LRRK2: variants seen among roughly 807,000 people sequenced by gnomAD.
LRRK2 encodes the protein leucine rich repeat kinase 2, also known as leucine-rich repeat serine/threonine-protein kinase 2.
Under a neutral mutation model 302.6 loss-of-function variants are expected in LRRK2, and 203 were observed. The observed-to-expected ratio is 0.67, with a 90% CI of 0.60 to 0.75. LRRK2 has a LOEUF of 0.75. Ranked by LOEUF, LRRK2 falls within the 30% of genes least tolerant of loss-of-function variation. The pLI is 0.00. For synonymous variants in LRRK2, 1,066 were observed against 1,031.9 expected (o/e 1.03, Z -0.63); for missense variants, 2,830 against 2,951.0 (o/e 0.96, Z 0.95).
intron 50 of LRRK2, chr12:40,367,342 T>C (rs1946909608): frequency 2.2e-6 from 1 of 449,312 alleles, no homozygotes; most frequent in Admixed American, 4.0e-5. Context: ...TTACAACTTA[T>C]CTATATCTAC....
Position 40,237,991 on chromosome 12 carries a change from G to A in LRRK2, c.459G>A (p.Leu153=). 1 of 1,612,358 alleles carries A rather than the reference G, an allele frequency of 6.2e-7. No individual in the cohort carries two copies. Among genetic ancestry groups the A allele is most frequent in the Non-Finnish European group, 8.5e-7 (1 of 1,178,860 alleles). The change falls in exon 5 of 51, where the codon TTG becomes TTA. Residue 153 remains leucine, a synonymous_variant. Coordinates refer to ENST00000298910, the MANE Select transcript of LRRK2 (RefSeq NM_198578.4). ...TAGGTAAAATCACCTTGCTGATATT[G>A]GATGAAGAAAGTGATATTTTCATGT... The part of the protein sequence containing the change: ...LTSGKITLLI[L]DEESDIFMLI...
In LRRK2 at chr12:40,225,045, C is replaced by T. The variant is rs201321281; in HGVS notation, c.-87C>T. On this transcript the variant is annotated 5_prime_UTR_variant, in exon 1 of 51. Coordinates refer to ENST00000298910, the MANE Select transcript of LRRK2 (RefSeq NM_198578.4). ...GCGGGCGGTGAGCTGAGCTCGCCCC[C>T]GGGGAGCTGTGGCCGGCGCCCCTGC... The T allele has an allele frequency of 1.3e-6, 2 of 1,559,694 alleles. No individual in the cohort carries two copies. The highest frequency in any genetic ancestry group is 1.8e-6 in the Non-Finnish European group (2 of 1,141,642).
intron 13 of LRRK2, among the ~76,000 whole-genome samples, chr12:40,261,711 A>G (rs1397036771): frequency 6.6e-6 from 1 of 152,112 alleles, no homozygotes; most frequent in East Asian, 1.9e-4. Flanking sequence ...TCTGGTTTGA[A>G]CATGTTAAGT....
intron 39 of LRRK2, among the ~76,000 whole-genome samples, chr12:40,330,734 T>A (rs1376686377): frequency 6.6e-6 from 1 of 152,182 alleles, no homozygotes; most frequent in African/African-American, 2.4e-5. Context: ...TACTTATGAT[T>A]CATTATTGCT....
chr12:40,326,138 C>T (rs114310195), intron 38 of LRRK2, among the ~76,000 whole-genome samples: 116 of 152,220 alleles, frequency 7.6e-4, no homozygotes, highest in African/African-American at 2.7e-3. Flanking sequence ...ATTAATGCAG[C>T]GGCGATTCTC....
Position 40,346,797 on chromosome 12 carries a change from C to CA in LRRK2, c.6156dup (p.Gln2053ThrfsTer3). ...TGCCAGAGGAAATGTCATTTATAAC[C>CA]AACAGGCTGATGTTTATTCATTTGG... On this transcript the variant is annotated frameshift_variant, in exon 42 of 51. Coordinates refer to ENST00000298910, the MANE Select transcript of LRRK2 (RefSeq NM_198578.4). LOFTEE classifies it high-confidence loss of function. 6.2e-7 allele frequency: 1 copy of CA among 1,613,918 alleles called. No homozygotes were observed. Among genetic ancestry groups the CA allele is most frequent in the Non-Finnish European group, 8.5e-7 (1 of 1,179,902 alleles).
chr12:40,278,273 A>G lies in LRRK2; in HGVS notation c.2241+12A>G. The stretch of plus-strand genomic sequence containing the variant: ...CTTTAATTTGTCAGGTAAATATTCA[A>G]GGCCTCACTTTTGTCTTTGCTCAGT... On this transcript the variant is annotated intron_variant, in intron 18 of 50. Coordinates refer to ENST00000298910, the MANE Select transcript of LRRK2 (RefSeq NM_198578.4). The G allele has an allele frequency of 6.2e-7, 1 of 1,614,062 alleles. No individual in the cohort carries two copies. The highest frequency in any genetic ancestry group is 8.5e-7 in the Non-Finnish European group (1 of 1,179,956).
chr12:40,335,300 T>C, intron 40 of LRRK2, 143 bp downstream of exon 40: 1 of 952,434 alleles, frequency 1.0e-6, no homozygotes, highest in Admixed American at 2.0e-5. Flanking sequence ...ATTTCCCTGA[T>C]CAAATTTTGT....
chr12:40,343,327 T>G (rs1185545971), intron 41 of LRRK2, among the ~76,000 whole-genome samples: 2 of 152,230 alleles, frequency 1.3e-5, no homozygotes, highest in East Asian at 1.9e-4. Flanking sequence ...CTATGGCAAT[T>G]GCACTTTTGA....
chr12:40,259,056 C>T (rs550013482), intron 12 of LRRK2, among the ~76,000 whole-genome samples: 4 of 152,200 alleles, frequency 2.6e-5, no homozygotes, highest in East Asian at 1.9e-4. Context: ...GAGGAAGGTT[C>T]GTGTGATGTA....
chr12:40,331,993 T>C (rs1179758966), intron 39 of LRRK2, among the ~76,000 whole-genome samples: 1 of 152,196 alleles, frequency 6.6e-6, no homozygotes, highest in African/African-American at 2.4e-5. Flanking sequence ...GGTACCTCTT[T>C]TGAGTACTTG....
intron 14 of LRRK2, among the ~76,000 whole-genome samples, chr12:40,264,402 C>T (rs7974037): frequency 0.019 from 2,851 of 152,248 alleles, 79 homozygotes; most frequent in African/African-American, 0.065. Flanking sequence ...GGGTGGATCA[C>T]GAGGTCAGGA....
chr12:40,287,374 A>C lies in LRRK2; in HGVS notation c.2524A>C (p.Met842Leu), dbSNP rs1002407297. The change falls in exon 20 of 51, where the codon ATG (methionine) becomes CTG (leucine). Residue 842 changes from methionine (M) to leucine (L), a missense_variant. Met to Leu is a conservative substitution (Grantham distance 15). This residue lies in a region of LRRK2 where 2,121 missense variants were observed against 2,148.0 expected (regional missense o/e 0.99). Transcript: ENST00000298910. The stretch of plus-strand genomic sequence containing the variant: ...AGATATAGCATCTACACTAGCAAGA[A>C]TGGTGATCAGATATCAGATGAAAAG... ...QTNIASTLAR[M>L]VIRYQMKSAV... 6.8e-6 allele frequency: 11 copies of C among 1,612,410 alleles called. No homozygotes were observed. Among genetic ancestry groups the C allele is most frequent in the Non-Finnish European group, 9.3e-6 (11 of 1,178,956 alleles).
intron 8 of LRRK2, 72 bp downstream of exon 8, chr12:40,250,017 A>G: frequency 6.4e-7 from 1 of 1,565,008 alleles, no homozygotes; most frequent in South Asian, 1.1e-5. Flanking sequence ...GTAACAAGAG[A>G]ATCATATGTA....
chr12:40,345,622 CAAAAA>C (rs144415226), intron 41 of LRRK2, among the ~76,000 whole-genome samples: 99 of 67,514 alleles, frequency 1.5e-3, no homozygotes, highest in African/African-American at 5.8e-3. Flanking sequence ...GACTCCATCT[CAAAAA>C]AAAAAAAAAA....
intron 14 of LRRK2, among the ~76,000 whole-genome samples, chr12:40,266,603 A>C (rs1384996613): frequency 1.3e-5 from 2 of 152,136 alleles, no homozygotes; most frequent in Non-Finnish European, 2.9e-5. Flanking sequence ...GCGATTCCTC[A>C]GGGATCTAGA....
Position 40,243,572 on chromosome 12 carries a change from G to A in LRRK2, c.729G>A (p.Met243Ile). ...AIPCNNVEVLMSGNVRCYNIV... is the reference protein window; with the variant it reads ...AIPCNNVEVLISGNVRCYNIV... ...CAGGCAATAATGTGGAAGTCCTCAT[G>A]AGTGGCAATGTCAGGTGTTATAATA... Residue 243 changes from methionine (M) to isoleucine (I), a missense_variant, in exon 7 of 51, where the codon ATG (methionine) becomes ATA (isoleucine). Met to Ile is a conservative substitution (Grantham distance 10). Coordinates refer to ENST00000298910, the MANE Select transcript of LRRK2 (RefSeq NM_198578.4). 1 of 1,611,820 alleles carries A rather than the reference G, an allele frequency of 6.2e-7. No individual in the cohort carries two copies. Among genetic ancestry groups the A allele is most frequent in the South Asian group, 1.1e-5 (1 of 91,028 alleles).
intron 43 of LRRK2, among the ~76,000 whole-genome samples, chr12:40,348,993 T>G (rs986649793): frequency 6.6e-6 from 1 of 152,158 alleles, no homozygotes; most frequent in Admixed American, 6.5e-5. Context: ...GGTCCTGTTG[T>G]AGAGCCCATC....
In LRRK2 at chr12:40,309,166, C is replaced by T. The variant is rs1944944124; in HGVS notation, c.4250C>T (p.Ala1417Val). 6.2e-7 allele frequency: 1 copy of T among 1,613,776 alleles called. No individual in the cohort carries two copies. Among genetic ancestry groups the T allele is most frequent in the Non-Finnish European group, 8.5e-7 (1 of 1,179,910 alleles). The change falls in exon 30 of 51, where the codon GCT (alanine) becomes GTT (valine). Residue 1417 changes from alanine to valine, a missense_variant. Ala to Val is a moderately conservative substitution (Grantham distance 64). Coordinates refer to ENST00000298910, the MANE Select transcript of LRRK2 (RefSeq NM_198578.4). The part of the protein sequence containing the change: ...HFMTQRALYL[A>V]VYDLSKGQAE... ...ATGACGCAGCGAGCATTGTACCTTG[C>T]TGTCTATGACCTCAGCAAGGGACAG...
Sources: allele counts gnomAD v4.1 joint callset (sites outside exome capture counted in the v4.1 genomes callset), GRCh38; gene constraint gnomAD v4.1.1; regional missense constraint gnomAD v4.1.1; transcripts MANE v1.5; gene names NCBI Gene and HGNC (gene_info 2026-07-23, HGNC 2026-07-21).